Variants in PHF20 observed in about 807,000 individuals in gnomAD.
The protein encoded by PHF20 is PHD finger protein 20.
In PHF20, 23 loss-of-function variants were observed where a neutral mutation model predicts 113.5. The observed-to-expected ratio is 0.20, with a 90% CI of 0.15 to 0.29. PHF20 has a LOEUF of 0.29. Ranked by LOEUF, PHF20 falls within the 10% of genes least tolerant of loss-of-function variation. The probability of loss-of-function intolerance (pLI) is 1.00; values close to 1 mark genes in which losing one functional copy is unlikely to be tolerated. For missense variants in PHF20, 943 were observed against 1,219.6 expected (o/e 0.77, Z 3.38); for synonymous variants, 434 against 457.3 (o/e 0.95, Z 0.65).
intron 10 of PHF20, among the ~76,000 whole-genome samples, chr20:35,904,976 C>T (rs928449971): frequency 6.6e-6 from 1 of 152,034 alleles, no homozygotes; most frequent in Non-Finnish European, 1.5e-5. Flanking sequence ...CAGGCGTGCA[C>T]CACCATGCCT....
rs118077118 is a variant in PHF20, at chr20:35,863,514, A to G, written c.808+114A>G. The G allele has an allele frequency of 6.3e-6, 7 of 1,108,534 alleles. No homozygotes were observed. In the East Asian group the frequency reaches 1.4e-4, roughly 23 times the overall value. The allele number at this position is 1,108,534 out of a possible 1,614,324, so 68.7% of individuals were successfully genotyped here. On this transcript the variant is annotated intron_variant, in intron 6 of 17. Coordinates refer to ENST00000374012, the MANE Select transcript of PHF20 (RefSeq NM_016436.5). ...TCGTTTATTTTTGTGACTGATTTTG[A>G]ATTGTCTTATGATCTGGAAACAAGT...
chr20:35,845,407 C>A, intron 3 of PHF20: 1 of 396,032 alleles, frequency 2.5e-6, no homozygotes, highest in South Asian at 1.8e-5. Context: ...GCTCTGTCGC[C>A]CAGTCTGAAG....
At chr20:35,834,401 G>A (rs1164338957) in intron 2 of PHF20, among the ~76,000 whole-genome samples, 1 of 151,756 alleles carries the variant, frequency 6.6e-6, no homozygotes, top group Non-Finnish European at 1.5e-5. Context: ...ATAGGCATGC[G>A]CCAGCACACC....
rs543606088 is a variant in PHF20, at chr20:35,855,588, TA to T, written c.341-2712del. The T allele has an allele frequency of 2.3e-4, 35 of 152,520 alleles. No homozygotes were observed. In the East Asian group the frequency reaches 6.7e-3, roughly 29 times the overall value. 9.4% of individuals were successfully genotyped at this position (152,520 alleles called of 1,614,324 possible). A position where few individuals can be genotyped will look rare whatever the true frequency, so the allele number is the denominator to read the frequency against. ...CTTGATACAGGTATGCAATGTGTAA[TA>T]ATCACATCAGGGTAAATGGGGGTAT... On this transcript the variant is annotated intron_variant, in intron 4 of 17. Transcript: ENST00000374012.
At chr20:35,879,047 A>T (rs1301239368) in intron 9 of PHF20, among the ~76,000 whole-genome samples, 1 of 152,218 alleles carries the variant, frequency 6.6e-6, no homozygotes. Context: ...AAGGAAGATA[A>T]CAGGCCAACC....
At chr20:35,901,696 C>T (rs1263430357) in intron 10 of PHF20, among the ~76,000 whole-genome samples, 2 of 152,194 alleles carry the variant, frequency 1.3e-5, no homozygotes, top group African/African-American at 4.8e-5. Context: ...TCATTCTTTA[C>T]TCACTGTGGT....
chr20:35,897,274 C>T (rs2055003607), intron 9 of PHF20, among the ~76,000 whole-genome samples: 1 of 151,934 alleles, frequency 6.6e-6, no homozygotes, highest in South Asian at 2.1e-4. Context: ...ATCCTGGCCT[C>T]AAGTGATCCT....
chr20:35,844,987 C>T (rs1003236802), intron 3 of PHF20, among the ~76,000 whole-genome samples: 1 of 152,096 alleles, frequency 6.6e-6, no homozygotes, highest in African/African-American at 2.4e-5. Context: ...TTCATTATGA[C>T]AAAAAGAAGC....
chr20:35,878,751 T>C, intron 9 of PHF20: 1 of 735,026 alleles, frequency 1.4e-6, no homozygotes, highest in Non-Finnish European at 2.5e-6. Flanking sequence ...GACGCTGTCT[T>C]GCTCTTGTAG....
chr20:35,786,688 T>A (rs6060602), intron 1 of PHF20, among the ~76,000 whole-genome samples: 149,444 of 152,178 alleles, frequency 0.98, 73,437 homozygotes, highest in Middle Eastern at 1. Context: ...GCGACAGAGC[T>A]TGACTCCGTC....
chr20:35,815,843 A>G (rs2042064158), intron 2 of PHF20, among the ~76,000 whole-genome samples: 1 of 152,202 alleles, frequency 6.6e-6, no homozygotes, highest in Admixed American at 6.5e-5. Flanking sequence ...TAGTGAGCCA[A>G]GATTGCAGTT....
At chr20:35,921,273 G>T (rs1333335251) in intron 13 of PHF20, among the ~76,000 whole-genome samples, 1 of 152,082 alleles carries the variant, frequency 6.6e-6, no homozygotes, top group Non-Finnish European at 1.5e-5. Context: ...ATTATGTGTG[G>T]TGGCGGGCTT....
At chr20:35,938,425 T>C (rs902785009) in intron 15 of PHF20, among the ~76,000 whole-genome samples, 1 of 152,114 alleles carries the variant, frequency 6.6e-6, no homozygotes, top group Admixed American at 6.5e-5. Context: ...ATGATGCTGG[T>C]TGAGTGAGTT....
In PHF20 at chr20:35,807,087, A is replaced by G. The variant is rs562494963; in HGVS notation, c.83+5482A>G. ...TGGGATTACAGGCATGAGCCACTGC[A>G]CCCGGTCAACCTTTACTCTTTAATG... On this transcript the variant is annotated intron_variant, in intron 2 of 17. Transcript: ENST00000374012. 4.5e-4 allele frequency among the ~76,000 whole-genome samples: 68 copies of G among 151,958 alleles called. 1 individual carries two copies. In the South Asian group the frequency reaches 0.013, roughly 29 times the overall value.
rs567755568 is a variant in PHF20 at position 35,927,129 on chromosome 20, G to A, written c.2005-651G>A. ...TACTCAGGGAAGGAAGTGGAGCCTT[G>A]GGTTGAAAGAACTGGTTTAGCAACG... On this transcript the variant is annotated intron_variant, in intron 13 of 17. Transcript: ENST00000374012. Among the ~76,000 whole-genome samples the A allele has an allele frequency of 1.3e-4, 20 of 152,196 alleles. No homozygotes were observed. The South Asian group carries it at 3.9e-3, about 30-fold the overall frequency.
chr20:35,776,706 C>G (rs941140008), intron 1 of PHF20, among the ~76,000 whole-genome samples: 4 of 152,146 alleles, frequency 2.6e-5, no homozygotes, highest in African/African-American at 7.2e-5. Flanking sequence ...TCCTCCAACC[C>G]CTATTCCTCA....
chr20:35,914,007 A>G (rs372237255), intron 11 of PHF20, 26 bp from the exon 12 acceptor site: 6 of 1,612,166 alleles, frequency 3.7e-6, no homozygotes, highest in Non-Finnish European at 5.1e-6. Flanking sequence ...AGGGTTATTC[A>G]TTCCTTCCTG....
At chr20:35,875,773 T>G (rs922491846) in intron 9 of PHF20, among the ~76,000 whole-genome samples, 1 of 152,196 alleles carries the variant, frequency 6.6e-6, no homozygotes, top group African/African-American at 2.4e-5. Context: ...TAGACGTCAC[T>G]TGAAATTTGT....
chr20:35,852,602 C>CT (rs60103732), intron 4 of PHF20, among the ~76,000 whole-genome samples: 8,624 of 144,768 alleles, frequency 0.06, 319 homozygotes, highest in African/African-American at 0.12. Flanking sequence ...TTCAAGAAAA[C>CT]TTTTTTTTTT....
Sources: gnomAD v4.1 joint callset for allele counts (sites outside exome capture counted in the v4.1 genomes callset) on GRCh38, gnomAD v4.1.1 for gene constraint, MANE v1.5 for transcripts, NCBI Gene and HGNC (gene_info 2026-07-23, HGNC 2026-07-21) for gene names.